ME3: variants seen among roughly 807,000 people sequenced by gnomAD.
ME3 encodes the protein NADP-dependent malic enzyme, mitochondrial.
Under a neutral mutation model 68.9 loss-of-function variants are expected in ME3, and 48 were observed. The ratio of observed to expected loss-of-function variants is 0.70; its 90% CI spans 0.55 to 0.89. ME3 has a LOEUF of 0.89. Among genes scored for constraint, ME3 ranks in the 40% least tolerant of loss-of-function variants. ME3 has a pLI of 0.00. For synonymous variants in ME3, 320 were observed against 318.8 expected, an observed-to-expected ratio of 1.00 and a Z score of -0.04; for missense variants, 675 against 797.4, an observed-to-expected ratio of 0.85 and a Z score of 1.85.
intron 2 of ME3, among the ~76,000 whole-genome samples, chr11:86,665,124 A>G (rs1247020289): frequency 6.6e-6 from 1 of 152,216 alleles, no homozygotes; most frequent in Non-Finnish European, 1.5e-5. Context: ...CTCATTCACT[A>G]ACTGCTTACG....
chr11:86,447,237 C>T (rs1949359796), intron 11 of ME3, 30 bp from the exon 12 acceptor site: 3 of 1,609,602 alleles, frequency 1.9e-6, no homozygotes, highest in Non-Finnish European at 1.7e-6. Flanking sequence ...AGTGGGGATG[C>T]CTGCTCTCTA....
chr11:86,558,061 C>G (rs1210146486), intron 3 of ME3, among the ~76,000 whole-genome samples: 1 of 152,134 alleles, frequency 6.6e-6, no homozygotes, highest in Non-Finnish European at 1.5e-5. Flanking sequence ...GGCAAGCCCT[C>G]TAGAGCTCCC....
chr11:86,519,551 A>G (rs1027863602), intron 4 of ME3, among the ~76,000 whole-genome samples: 4 of 152,234 alleles, frequency 2.6e-5, no homozygotes, highest in Non-Finnish European at 5.9e-5. Context: ...AAACAGAGTC[A>G]GTGACATTAG....
rs556662891 is a variant in ME3, at chr11:86,461,547, A to C, written c.919+3544T>G. 1.4e-3 allele frequency among the ~76,000 whole-genome samples: 212 copies of C among 152,334 alleles called. 1 individual carries two copies. Among genetic ancestry groups the C allele is most frequent in the African/African-American group, 4.0e-3 (165 of 41,584 alleles). ...GAAGTTGAGCTGTGATGCAGGCCCC[A>C]AAGCCTCAGCCAGCTCCATGGGGAG... On this transcript the variant is annotated intron_variant, in intron 8 of 14. Coordinates refer to ENST00000543262, the Ensembl canonical transcript of ME3.
chr11:86,522,099 A>C (rs1954358169), intron 4 of ME3, among the ~76,000 whole-genome samples: 1 of 152,138 alleles, frequency 6.6e-6, no homozygotes, highest in South Asian at 2.1e-4. Context: ...AAAATACAAA[A>C]ATTAGCTGGG....
chr11:86,508,271 CT>C (rs1665580701), intron 5 of ME3, among the ~76,000 whole-genome samples: 1 of 152,168 alleles, frequency 6.6e-6, no homozygotes, highest in African/African-American at 2.4e-5. Flanking sequence ...CAGCCTACCC[CT>C]AAATTCAAGG....
At chr11:86,458,008 CAAG>C (rs1167570991) in intron 8 of ME3, among the ~76,000 whole-genome samples, 1 of 152,154 alleles carries the variant, frequency 6.6e-6, no homozygotes, top group African/African-American at 2.4e-5. Context: ...ACCCAGGCAG[CAAG>C]AAGGACAGAA....
At chr11:86,491,094 A>G (rs1374687125) in intron 6 of ME3, among the ~76,000 whole-genome samples, 1 of 152,228 alleles carries the variant, frequency 6.6e-6, no homozygotes, top group Non-Finnish European at 1.5e-5. Flanking sequence ...AAGTTCCCAT[A>G]TGGATATGAC....
intron 6 of ME3, among the ~76,000 whole-genome samples, chr11:86,493,123 A>T (rs758586779): frequency 1.3e-5 from 2 of 152,170 alleles, no homozygotes; most frequent in Non-Finnish European, 2.9e-5. Context: ...CTGAATAATG[A>T]TAATCTTGCA....
intron 2 of ME3, among the ~76,000 whole-genome samples, chr11:86,594,605 G>C (rs1467694898): frequency 6.9e-6 from 1 of 145,920 alleles, no homozygotes; most frequent in Non-Finnish European, 1.5e-5. Flanking sequence ...GAGATGGGAA[G>C]ATCACTTGAG....
chr11:86,628,212 G>A (rs1278534032), intron 2 of ME3, among the ~76,000 whole-genome samples: 5 of 152,244 alleles, frequency 3.3e-5, no homozygotes, highest in East Asian at 3.9e-4. Context: ...CCTTTGGCTC[G>A]CTCTGTGAAT....
At chr11:86,502,910 C>T (rs532152551) in intron 5 of ME3, among the ~76,000 whole-genome samples, 21 of 152,234 alleles carry the variant, frequency 1.4e-4, no homozygotes, top group African/African-American at 5.1e-4. Flanking sequence ...ATCAAATGTC[C>T]TTGCTTGCTC....
intron 2 of ME3, among the ~76,000 whole-genome samples, chr11:86,607,201 CCT>C (rs1224885533): frequency 6.6e-6 from 1 of 152,162 alleles, no homozygotes; most frequent in Non-Finnish European, 1.5e-5. Context: ...TCTGTTCTCT[CCT>C]CTGAGTGATC....
chr11:86,516,348 A>C (rs1039376135), intron 4 of ME3, among the ~76,000 whole-genome samples: 1 of 138,706 alleles, frequency 7.2e-6, no homozygotes, highest in African/African-American at 2.8e-5. Flanking sequence ...GTGAGTAAAT[A>C]AAATCTCTCT....
chr11:86,438,223 AT>A (rs1380468023), downstream of ME3, among the ~76,000 whole-genome samples: 1 of 151,928 alleles, frequency 6.6e-6, no homozygotes, highest in East Asian at 1.9e-4. Flanking sequence ...CTTCGTATCT[AT>A]TGGCATGATC....
chr11:86,630,878 C>A (rs190840327), intron 2 of ME3, among the ~76,000 whole-genome samples: 2 of 152,332 alleles, frequency 1.3e-5, no homozygotes, highest in Non-Finnish European at 2.9e-5. Context: ...AAGGGAGCCA[C>A]AGCTAATCAG....
chr11:86,489,140 A>C (rs1004842500), intron 6 of ME3: 1 of 152,156 alleles, frequency 6.6e-6, no homozygotes, highest in African/African-American at 2.4e-5. Context: ...TTCCTAGAGA[A>C]CAGGATTTTG....
intron 5 of ME3, among the ~76,000 whole-genome samples, chr11:86,508,257 T>A (rs563692435): frequency 6.6e-6 from 1 of 152,176 alleles, no homozygotes; most frequent in Admixed American, 6.5e-5. Flanking sequence ...TACCTAACTG[T>A]CCACAGCCTA....
At position 86,478,807 on chromosome 11, in the gene ME3, T is replaced by C. The variant is rs543156493; in HGVS notation, c.809+8530A>G. ...TATTTCATTTCTAGCACTCCTGATA[T>C]GCTTCTTTGGAGTCCTGGGGCCCAG... On this transcript the variant is annotated intron_variant, in intron 7 of 14. Coordinates refer to ENST00000543262, the Ensembl canonical transcript of ME3. Among the ~76,000 whole-genome samples the C allele has an allele frequency of 2.6e-5, 4 of 152,360 alleles. No individual in the cohort carries two copies. In the East Asian group the frequency reaches 5.8e-4, roughly 22 times the overall value.
Sources: allele counts gnomAD v4.1 joint callset (sites outside exome capture counted in the v4.1 genomes callset), GRCh38; gene constraint gnomAD v4.1.1; transcripts MANE v1.5; gene names NCBI Gene and HGNC (gene_info 2026-07-23, HGNC 2026-07-21).